Variants in TARS1 observed in about 807,000 individuals in gnomAD.
TARS1 encodes the protein threonyl-tRNA synthetase 1, also known as threonine--tRNA ligase 1, cytoplasmic.
Under a neutral mutation model 97.7 loss-of-function variants are expected in TARS1, and 57 were observed. The ratio of observed to expected loss-of-function variants is 0.58; its 90% CI spans 0.47 to 0.73. The LOEUF (loss-of-function observed/expected upper bound fraction) is 0.73. Among genes scored for constraint, TARS1 ranks in the 30% least tolerant of loss-of-function variants. The probability of loss-of-function intolerance (pLI) is 0.00; values close to 1 mark genes in which losing one functional copy is unlikely to be tolerated. For missense variants in TARS1, 806 were observed against 888.3 expected (o/e 0.91, Z 1.18); for synonymous variants, 312 against 293.7 (o/e 1.06, Z -0.64).
Position 33,448,685 on chromosome 5 carries a change from G to T in TARS1, c.283G>T (p.Ala95Ser). ...VTLPDGKQVD[A>S]ESWKTTPYQI... ...TTTGCCTGATGGTAAACAGGTTGATGCGGAATCTTGGAAAACTACACCATA... is the reference window on the plus strand; with the variant it reads ...TTTGCCTGATGGTAAACAGGTTGATTCGGAATCTTGGAAAACTACACCATA... The change falls in exon 3 of 19, where the codon GCG (alanine) becomes TCG (serine). Residue 95 changes from alanine (A) to serine (S), a missense_variant. Ala to Ser is a moderately conservative substitution (Grantham distance 99). Coordinates refer to ENST00000265112, the MANE Select transcript of TARS1 (RefSeq NM_152295.5). 6.2e-7 allele frequency: 1 copy of T among 1,613,800 alleles called. No homozygotes were observed. The highest frequency in any genetic ancestry group is 2.2e-5 in the East Asian group (1 of 44,808).
chr5:33,460,903 C>CTT lies in TARS1; in HGVS notation c.1253_1254dup (p.Met419LeufsTer17). ...GTGGACTTTTCTTTTTCTCTTCAGCCTTATGTTTGATCATCGGCCAAGGTC... is the reference window on the plus strand; with the variant it reads ...GTGGACTTTTCTTTTTCTCTTCAGCCTTTTATGTTTGATCATCGGCCAAGGTC... On this transcript the variant is annotated frameshift_variant and splice_region_variant, in exon 12 of 19. Transcript: ENST00000265112. LOFTEE classifies it high-confidence loss of function. The CTT allele has an allele frequency of 6.2e-7, 1 of 1,614,002 alleles. No homozygotes were observed. The highest frequency in any genetic ancestry group is 8.5e-7 in the Non-Finnish European group (1 of 1,179,986).
chr5:33,464,037 A>G (rs547782195), intron 17 of TARS1, among the ~76,000 whole-genome samples: 2 of 152,266 alleles, frequency 1.3e-5, no homozygotes, highest in African/African-American at 2.4e-5. Context: ...ATAGTGTTTT[A>G]TGTACACTTG....
chr5:33,456,517 A>G (rs1054221049), intron 8 of TARS1, among the ~76,000 whole-genome samples: 8 of 152,260 alleles, frequency 5.3e-5, no homozygotes, highest in Non-Finnish European at 1.2e-4. Context: ...CACTGGGAGT[A>G]TGTGCTTTTG....
rs201782158 is a variant in TARS1, at chr5:33,461,195, G to A, written c.1451G>A (p.Arg484His). Residue 484 changes from arginine to histidine, a missense_variant, in exon 13 of 19, where the codon CGT (arginine) becomes CAT (histidine). Coordinates refer to ENST00000265112, the MANE Select transcript of TARS1 (RefSeq NM_152295.5). ...ATAAAAGGTTGTTTGGATTTTCTAC[G>A]TACGGTATATAGCGTATTTGGATTT... ...DEIKGCLDFL[R>H]TVYSVFGFSF... 199 of 1,612,770 alleles carry A rather than the reference G, an allele frequency of 1.2e-4. No homozygotes were observed. The highest frequency in any genetic ancestry group is 1.6e-4 in the Non-Finnish European group (186 of 1,179,576).
intron 10 of TARS1, 101 bp downstream of exon 10, chr5:33,458,765 A>G (rs1277635438): frequency 4.2e-6 from 4 of 958,902 alleles, no homozygotes; most frequent in Non-Finnish European, 6.1e-6. Flanking sequence ...TTGAGAAGAA[A>G]TATATAAGAC....
rs1742300691 is a variant in TARS1 at position 33,461,704 on chromosome 5, G to A, written c.1589G>A (p.Trp530Ter). ...ENSLNEFGEK[W>*]ELNSGDGAFY... ...AGTCTGAATGAATTTGGTGAAAAGT[G>A]GGAGTTAAACTCTGGAGATGGAGCT... is the stretch of plus-strand genomic sequence containing the variant. Residue 530 changes from tryptophan (W) to a stop codon, truncating the protein, a stop_gained, in exon 14 of 19, where the codon TGG (tryptophan) becomes TAG (stop). Coordinates refer to ENST00000265112, the MANE Select transcript of TARS1 (RefSeq NM_152295.5). LOFTEE classifies it high-confidence loss of function. The A allele has an allele frequency of 6.2e-7, 1 of 1,613,988 alleles. No individual in the cohort carries two copies. Among genetic ancestry groups the A allele is most frequent in the Admixed American group, 1.7e-5 (1 of 60,000 alleles).
intron 17 of TARS1, 147 bp from the exon 18 acceptor site, chr5:33,466,724 A>G (rs1742543424): frequency 2.1e-6 from 1 of 466,786 alleles, no homozygotes; most frequent in Non-Finnish European, 3.8e-6. Context: ...ATGGCAGTGA[A>G]TAATATTATC....
At chr5:33,461,599 T>A in intron 13 of TARS1, 68 bp from the exon 14 acceptor site, 2 of 1,445,986 alleles carry the variant, frequency 1.4e-6, no homozygotes, top group South Asian at 2.4e-5. Context: ...GTATTTTTAG[T>A]CTCAAATTAG....
At chr5:33,449,518 C>T (rs1213822101) in intron 3 of TARS1, among the ~76,000 whole-genome samples, 5 of 131,772 alleles carry the variant, frequency 3.8e-5, no homozygotes, top group Non-Finnish European at 7.6e-5. Context: ...TGCAGTGGCG[C>T]GATCTTGGCT....
rs1742058647 is a variant in TARS1 at position 33,457,185 on chromosome 5, G to A, written c.838-72G>A. ...GTAACTACTCTAACAAGGCCTCAAA[G>A]CAATTGGGAGTTAAAATAAGTGAGA... On this transcript the variant is annotated intron_variant, in intron 8 of 18. Transcript: ENST00000265112. The A allele has an allele frequency of 3.9e-6, 6 of 1,556,256 alleles. No individual in the cohort carries two copies. In the South Asian group the frequency reaches 7.2e-5, roughly 19 times the overall value.
chr5:33,462,192 T>C lies in TARS1; in HGVS notation c.1824T>C (p.Tyr608=), dbSNP rs772692072. 6.2e-7 allele frequency: 1 copy of C among 1,611,210 alleles called. No homozygotes were observed. The highest frequency in any genetic ancestry group is 1.7e-5 in the Admixed American group (1 of 59,826). The change falls in exon 16 of 19, where the codon TAT becomes TAC. Residue 608 remains tyrosine, a synonymous_variant. Coordinates refer to ENST00000265112, the MANE Select transcript of TARS1 (RefSeq NM_152295.5). ...ERMIAILTEN[Y]GGKWPFWLSP... ...TGATTGCTATCCTCACAGAAAACTA[T>C]GGGGGCAAATGGTAATTTTTGTCAC...
Position 33,459,763 on chromosome 5 carries a change from G to T in TARS1, c.1152G>T (p.Met384Ile). Residue 384 changes from methionine (M) to isoleucine (I), a missense_variant, in exon 11 of 19, where the codon ATG becomes ATT. Coordinates refer to ENST00000265112, the MANE Select transcript of TARS1 (RefSeq NM_152295.5). ...ACATCTTCAACAGCCGACTCTGGAT[G>T]ACCTCGGGCCACTGGCAGCACTACA... is the stretch of plus-strand genomic sequence containing the variant. The part of the protein sequence containing the change: ...TPNIFNSRLW[M>I]TSGHWQHYSE... 2 of 1,614,172 alleles carry T rather than the reference G, an allele frequency of 1.2e-6. No individual in the cohort carries two copies. Among genetic ancestry groups the T allele is most frequent in the Non-Finnish European group, 1.7e-6 (2 of 1,180,026 alleles).
In TARS1 at chr5:33,467,791, T is replaced by G; in HGVS notation, c.*83T>G. The G allele has an allele frequency of 6.8e-7, 1 of 1,461,380 alleles. No individual in the cohort carries two copies. Among genetic ancestry groups the G allele is most frequent in the Non-Finnish European group, 9.1e-7 (1 of 1,096,088 alleles). The allele number at this position is 1,461,380 out of a possible 1,614,324, so 90.5% of individuals were successfully genotyped here. ...TGACTTTGTACTCTGAAAACGTCAATTTATATTGAACTTGGAGGAGTTTGG... is the reference window on the plus strand; with the variant it reads ...TGACTTTGTACTCTGAAAACGTCAAGTTATATTGAACTTGGAGGAGTTTGG... On this transcript the variant is annotated 3_prime_UTR_variant, in exon 19 of 19. Transcript: ENST00000265112.
At chr5:33,452,584 G>T in intron 3 of TARS1, 1 of 621,590 alleles carries the variant, frequency 1.6e-6, no homozygotes, top group Non-Finnish European at 2.8e-6. Flanking sequence ...TATATTGGGT[G>T]TGTAATGTTT....
chr5:33,456,040 G>A lies in TARS1; in HGVS notation c.732G>A (p.Val244=), dbSNP rs767631538. The A allele has an allele frequency of 6.2e-7, 1 of 1,613,808 alleles. No individual in the cohort carries two copies. The highest frequency in any genetic ancestry group is 1.1e-5 in the South Asian group (1 of 91,050). The change falls in exon 7 of 19, where the codon GTG becomes GTA. Residue 244 remains valine, a synonymous_variant. Coordinates refer to ENST00000265112, the MANE Select transcript of TARS1 (RefSeq NM_152295.5). ...KFKCRILNEK[V]NTPTTTVYRC... ...AATGCCGGATATTGAATGAAAAGGT[G>A]AATACTCCAACTACCACAGTCTATA...
rs751627819 is a variant in TARS1 at position 33,455,672 on chromosome 5, G to A, written c.661G>A (p.Val221Ile). ...AAAACAAGCTTTTGAAAGACTGGAA[G>A]TTAAGAAAGAAACTTTACTGGCAAT... ...KEKQAFERLE[V>I]KKETLLAMFK... The change falls in exon 6 of 19, where the codon GTT becomes ATT. Residue 221 changes from valine (V) to isoleucine (I), a missense_variant. Transcript: ENST00000265112. 1.2e-6 allele frequency: 2 copies of A among 1,611,608 alleles called. No individual in the cohort carries two copies. Among genetic ancestry groups the A allele is most frequent in the Non-Finnish European group, 1.7e-6 (2 of 1,178,224 alleles).
chr5:33,453,444 A>G (rs1266257345), intron 4 of TARS1, 32 bp downstream of exon 4: 2 of 1,611,318 alleles, frequency 1.2e-6, no homozygotes, highest in Non-Finnish European at 8.5e-7. Flanking sequence ...ATTGAATTTT[A>G]GGATGCAGAT....
chr5:33,448,101 G>A, intron 2 of TARS1, among the ~76,000 whole-genome samples: 1 of 152,228 alleles, frequency 6.6e-6, no homozygotes. Context: ...GAGACCTTAA[G>A]TCAAAGAAAT....
intron 17 of TARS1, 98 bp from the exon 18 acceptor site, chr5:33,466,773 T>C: frequency 1.4e-6 from 1 of 709,882 alleles, no homozygotes; most frequent in Non-Finnish European, 2.2e-6. Context: ...TGGAAGTTCA[T>C]CCAAGAAGTC....
Sources: gnomAD v4.1 joint callset for allele counts (sites outside exome capture counted in the v4.1 genomes callset) on GRCh38, gnomAD v4.1.1 for gene constraint, MANE v1.5 for transcripts, NCBI Gene and HGNC (gene_info 2026-07-23, HGNC 2026-07-21) for gene names.